Variants in ATRNL1 observed in about 807,000 individuals in gnomAD.
ATRNL1 encodes attractin-like protein 1.
Under a neutral mutation model 182.7 loss-of-function variants are expected in ATRNL1, and 95 were observed. That is an observed-to-expected ratio of 0.52 (90% CI 0.44 to 0.62). The LOEUF (loss-of-function observed/expected upper bound fraction) is 0.62. ATRNL1 is among the 20% of genes least tolerant of loss of function. The pLI is 0.00. For synonymous variants in ATRNL1, 576 were observed against 568.3 expected (o/e 1.01, Z -0.19); for missense variants, 1,471 against 1,679.5 (o/e 0.88, Z 2.17).
chr10:115,228,762 CTTTCTTTT>C (rs1849801985), intron 9 of ATRNL1, among the ~76,000 whole-genome samples: 1 of 138,944 alleles, frequency 7.2e-6, no homozygotes, highest in Admixed American at 7.1e-5. Flanking sequence ...ATATTTCTTT[CTTTCTTTT>C]TTTTTTTTTT....
chr10:115,777,066 A>G (rs576286527), intron 27 of ATRNL1, among the ~76,000 whole-genome samples: 10 of 152,346 alleles, frequency 6.6e-5, no homozygotes, highest in African/African-American at 2.4e-4. Context: ...AGGTGGATTA[A>G]TAAAGGAACA....
chr10:115,616,397 T>C lies in ATRNL1; in HGVS notation c.3795+66861T>C, dbSNP rs190423015. ...AAGCAGGGCATACAATTTGGGAAAA[T>C]TTACAGCCCAACCATGTGGTAGAAA... On this transcript the variant is annotated intron_variant, in intron 26 of 28. Coordinates refer to ENST00000355044, the MANE Select transcript of ATRNL1 (RefSeq NM_207303.4). 7.5e-3 allele frequency among the ~76,000 whole-genome samples: 1,136 copies of C among 152,102 alleles called. 8 individuals carry two copies. The highest frequency in any genetic ancestry group is 0.024 in the South Asian group (116 of 4,816).
rs114906865 is a variant in ATRNL1, at chr10:115,936,580, T to G, written c.4019-8078T>G. 9.1e-3 allele frequency among the ~76,000 whole-genome samples: 1,387 copies of G among 152,294 alleles called. 30 individuals carry two copies. Among genetic ancestry groups the G allele is most frequent in the African/African-American group, 0.032 (1,329 of 41,556 alleles). On this transcript the variant is annotated intron_variant, in intron 28 of 28. Coordinates refer to ENST00000355044, the MANE Select transcript of ATRNL1 (RefSeq NM_207303.4). ...ATTGAAATTATTAACTAAATTTATA[T>G]AATACATTATAGTTTATAAAACACT...
At chr10:115,592,762 G>A (rs1855988378) in intron 26 of ATRNL1, among the ~76,000 whole-genome samples, 1 of 152,060 alleles carries the variant, frequency 6.6e-6, no homozygotes, top group South Asian at 2.1e-4. Context: ...ATCCAGGATG[G>A]TGGCACTTTT....
chr10:115,287,925 T>G (rs1033586733), intron 15 of ATRNL1, among the ~76,000 whole-genome samples: 1 of 22,972 alleles, frequency 4.4e-5, no homozygotes, highest in Non-Finnish European at 2.3e-4. Context: ...AGATCAACTG[T>G]TTTTTTTTTT....
intron 5 of ATRNL1, among the ~76,000 whole-genome samples, chr10:115,155,251 A>C (rs1421416034): frequency 6.6e-6 from 1 of 151,694 alleles, no homozygotes; most frequent in Non-Finnish European, 1.5e-5. Flanking sequence ...TTTTTAAAAA[A>C]TCCATTCAGT....
At position 115,271,971 on chromosome 10, in the gene ATRNL1, T is replaced by G. The variant is rs551268129; in HGVS notation, c.2100+3527T>G. Among the ~76,000 whole-genome samples the G allele has an allele frequency of 3.1e-4, 47 of 152,152 alleles. 1 individual carries two copies. Among genetic ancestry groups the G allele is most frequent in the Non-Finnish European group, 6.3e-4 (43 of 68,024 alleles). ...GCCACCCGCTTGTTGATACGTGAGC[T>G]CTTGCTCTGGGTTCACTTGAGGTCT... is the stretch of plus-strand genomic sequence containing the variant. On this transcript the variant is annotated intron_variant, in intron 13 of 28. Coordinates refer to ENST00000355044, the MANE Select transcript of ATRNL1 (RefSeq NM_207303.4).
At chr10:115,848,312 C>A (rs1295067855) in intron 28 of ATRNL1, among the ~76,000 whole-genome samples, 1 of 152,106 alleles carries the variant, frequency 6.6e-6, no homozygotes, top group Admixed American at 6.5e-5. Flanking sequence ...TGTTCTAGAC[C>A]CTTCCAGCCA....
intron 28 of ATRNL1, among the ~76,000 whole-genome samples, chr10:115,886,946 C>CT (rs1951958777): frequency 6.6e-6 from 1 of 152,166 alleles, no homozygotes; most frequent in African/African-American, 2.4e-5. Flanking sequence ...GTTCAAGTTA[C>CT]TTTTCTCCCT....
chr10:115,219,288 C>G (rs1411931481), intron 9 of ATRNL1, among the ~76,000 whole-genome samples: 5 of 151,596 alleles, frequency 3.3e-5, no homozygotes, highest in African/African-American at 1.2e-4. Flanking sequence ...CCCATCTCCT[C>G]ACAGAGCTGT....
At chr10:115,097,633 T>G (rs1447848515) in intron 1 of ATRNL1, among the ~76,000 whole-genome samples, 1 of 151,994 alleles carries the variant, frequency 6.6e-6, no homozygotes, top group Non-Finnish European at 1.5e-5. Context: ...CTGTTAAAAA[T>G]ATATGCATAT....
chr10:115,129,279 C>A (rs1592139350), intron 4 of ATRNL1, 48 bp from the exon 5 acceptor site: 1 of 1,486,740 alleles, frequency 6.7e-7, no homozygotes, highest in Non-Finnish European at 9.3e-7. Flanking sequence ...AACCAAAATT[C>A]TTTTTCAATT....
chr10:115,926,781 C>CA (rs1219256100), intron 28 of ATRNL1, among the ~76,000 whole-genome samples: 48 of 151,470 alleles, frequency 3.2e-4, no homozygotes, highest in Middle Eastern at 6.8e-3. Context: ...GCCTACCAAC[C>CA]AAAAAAAAGT....
intron 21 of ATRNL1, among the ~76,000 whole-genome samples, chr10:115,457,871 A>AT (rs1367109661): frequency 6.6e-6 from 1 of 151,824 alleles, no homozygotes; most frequent in East Asian, 1.9e-4. Context: ...TTTTCTAATA[A>AT]TTTTTTTCCA....
intron 25 of ATRNL1, among the ~76,000 whole-genome samples, chr10:115,530,651 A>C (rs1554987979): frequency 6.6e-6 from 1 of 152,058 alleles, no homozygotes; most frequent in Non-Finnish European, 1.5e-5. Flanking sequence ...ATTATACTTT[A>C]AGTTTTAGGG....
At chr10:115,809,367 G>C (rs577105634) in intron 27 of ATRNL1, among the ~76,000 whole-genome samples, 11 of 151,978 alleles carry the variant, frequency 7.2e-5, no homozygotes, top group Non-Finnish European at 1.5e-4. Context: ...AAAAAAATCA[G>C]ATTATGAATG....
At chr10:115,861,422 T>A (rs1208686775) in intron 28 of ATRNL1, among the ~76,000 whole-genome samples, 1 of 152,188 alleles carries the variant, frequency 6.6e-6, no homozygotes, top group African/African-American at 2.4e-5. Flanking sequence ...GGTGCTAATG[T>A]CCCAGAGTCC....
intron 26 of ATRNL1, among the ~76,000 whole-genome samples, chr10:115,586,719 G>A (rs1406565958): frequency 3.3e-5 from 4 of 120,986 alleles, no homozygotes; most frequent in Non-Finnish European, 5.5e-5. Flanking sequence ...ATATCTCAGA[G>A]TAATTTGATC....
intron 26 of ATRNL1, among the ~76,000 whole-genome samples, chr10:115,684,796 T>C (rs1323405968): frequency 6.6e-6 from 1 of 151,726 alleles, no homozygotes; most frequent in Non-Finnish European, 1.5e-5. Context: ...AATAGTGTAA[T>C]GCACATATAG....
Sources: gnomAD v4.1 joint callset for allele counts (sites outside exome capture counted in the v4.1 genomes callset) on GRCh38, gnomAD v4.1.1 for gene constraint, MANE v1.5 for transcripts, NCBI Gene and HGNC (gene_info 2026-07-23, HGNC 2026-07-21) for gene names.